Variants in LYRM4 observed in about 807,000 individuals in gnomAD.
LYRM4 encodes LYR motif containing 4.
LYRM4 carries 9 observed loss-of-function variants against 11.7 expected under a neutral mutation model. The ratio of observed to expected loss-of-function variants is 0.77; its 90% CI spans 0.46 to 1.34. LYRM4 has a LOEUF of 1.34. Among genes scored for constraint, LYRM4 ranks in the 40% most tolerant of loss-of-function variants. The pLI is 0.00. For synonymous variants in LYRM4, 42 were observed against 40.4 expected, an observed-to-expected ratio of 1.04 and a Z score of -0.15; for missense variants, 133 against 112.5, an observed-to-expected ratio of 1.18 and a Z score of -0.82.
chr6:5,249,265 C>G (rs936278413), intron 1 of LYRM4, among the ~76,000 whole-genome samples: 2 of 152,060 alleles, frequency 1.3e-5, no homozygotes, highest in Non-Finnish European at 1.5e-5. Context: ...ATAAAAAAAC[C>G]AGTTGGCCTA....
At chr6:5,146,780 A>G (rs561132541) in intron 2 of LYRM4, among the ~76,000 whole-genome samples, 3 of 152,364 alleles carry the variant, frequency 2.0e-5, no homozygotes, top group African/African-American at 7.2e-5. Flanking sequence ...AAAGAAGACA[A>G]GACTCAGGGG....
At chr6:5,175,429 C>T (rs899171324) in intron 2 of LYRM4, among the ~76,000 whole-genome samples, 3 of 152,142 alleles carry the variant, frequency 2.0e-5, no homozygotes, top group East Asian at 3.9e-4. Flanking sequence ...CTTTCCTGCT[C>T]GACCTGTGGA....
the LYRM4 span, chr6:5,033,817 T>A: frequency 6.6e-6 from 1 of 152,252 alleles, no homozygotes; most frequent in African/African-American, 2.4e-5. Context: ...TACCTGCAAA[T>A]TCACCTCTTC....
intron 2 of LYRM4, among the ~76,000 whole-genome samples, chr6:5,146,839 G>A (rs551406028): frequency 1.8e-4 from 27 of 152,264 alleles, no homozygotes; most frequent in African/African-American, 5.8e-4. Context: ...CCAGGAGGCC[G>A]GTCTGTGGGC....
chr6:5,173,366 C>T (rs1254284223), intron 2 of LYRM4, among the ~76,000 whole-genome samples: 2 of 152,238 alleles, frequency 1.3e-5, no homozygotes, highest in African/African-American at 4.8e-5. Flanking sequence ...TTCTCTTAGG[C>T]TACCCTTGAG....
intron 2 of LYRM4, among the ~76,000 whole-genome samples, chr6:5,142,402 C>T (rs1170817981): frequency 6.6e-6 from 1 of 152,176 alleles, no homozygotes; most frequent in Non-Finnish European, 1.5e-5. Context: ...ATTCCTGCCC[C>T]CAGCTTTCCA....
At chr6:5,046,152 C>CTTT in the LYRM4 span, among the ~76,000 whole-genome samples, 7 of 146,908 alleles carry the variant, frequency 4.8e-5, no homozygotes, top group South Asian at 8.6e-4. Context: ...TAATATTCCA[C>CTTT]TTTTTTTTTT....
chr6:5,219,639 A>G (rs983324300), intron 1 of LYRM4, among the ~76,000 whole-genome samples: 1 of 151,834 alleles, frequency 6.6e-6, no homozygotes, highest in Non-Finnish European at 1.5e-5. Context: ...GAATCTTCAA[A>G]TTTGGTGGGA....
At chr6:5,109,740 C>T (rs1762792557) in intron 2 of LYRM4, among the ~76,000 whole-genome samples, 1 of 146,036 alleles carries the variant, frequency 6.8e-6, no homozygotes, top group South Asian at 2.1e-4. Flanking sequence ...GAGGCTGCAG[C>T]CTGGGACTCG....
chr6:5,210,598 T>C (rs181063586), intron 2 of LYRM4, among the ~76,000 whole-genome samples: 1 of 152,336 alleles, frequency 6.6e-6, no homozygotes, highest in Non-Finnish European at 1.5e-5. Context: ...AGTATATTCA[T>C]ATTGTTGTGA....
intron 2 of LYRM4, chr6:5,113,428 AAG>A: frequency 2.6e-6 from 1 of 381,160 alleles, no homozygotes; most frequent in Non-Finnish European, 5.3e-6. Flanking sequence ...CTAAAAGAAA[AAG>A]AGTGCAGGTG....
chr6:5,035,672 CCTCCCCTCCCTCCCT>C, the LYRM4 span, among the ~76,000 whole-genome samples: 2 of 32 alleles, frequency 0.062, no homozygotes, highest in Non-Finnish European at 0.12. Context: ...CCCTTCCCCT[CCTCCCCTCCCTCCCT>C]CCCTCCCCTC....
the LYRM4 span, among the ~76,000 whole-genome samples, chr6:5,061,215 T>G: frequency 6.6e-6 from 1 of 152,228 alleles, no homozygotes; most frequent in African/African-American, 2.4e-5. Flanking sequence ...TTTTCTGATT[T>G]TAATTTATTT....
At chr6:5,154,228 A>G (rs1221792978) in intron 2 of LYRM4, among the ~76,000 whole-genome samples, 1 of 152,240 alleles carries the variant, frequency 6.6e-6, no homozygotes, top group Non-Finnish European at 1.5e-5. Flanking sequence ...CAATCTTACA[A>G]GTTCATAAAA....
intron 1 of LYRM4, among the ~76,000 whole-genome samples, chr6:5,221,295 A>G (rs1268741238): frequency 6.6e-6 from 1 of 152,200 alleles, no homozygotes. Context: ...TTGGCTACCA[A>G]TATTTCTCTA....
chr6:5,060,608 A>G, the LYRM4 span, among the ~76,000 whole-genome samples: 14 of 151,878 alleles, frequency 9.2e-5, no homozygotes, highest in Admixed American at 7.9e-4. Flanking sequence ...ATCAGCTCAC[A>G]CGTCTGCCTC....
chr6:5,085,937 C>T, the LYRM4 span: 2 of 1,526,818 alleles, frequency 1.3e-6, no homozygotes, highest in Non-Finnish European at 1.7e-6. Flanking sequence ...TTCAGCGAGG[C>T]GGAGGAGCCG....
intron 2 of LYRM4, among the ~76,000 whole-genome samples, chr6:5,196,715 C>T (rs1338206716): frequency 6.6e-6 from 1 of 152,094 alleles, no homozygotes; most frequent in Non-Finnish European, 1.5e-5. Flanking sequence ...TTTCTATTTC[C>T]ATTGGAATGA....
the LYRM4 span, among the ~76,000 whole-genome samples, chr6:5,063,414 C>T: frequency 2.0e-5 from 3 of 149,812 alleles, no homozygotes; most frequent in African/African-American, 7.3e-5. Context: ...AAGCCTTTCC[C>T]GACCCCCATC....
Sources: allele counts gnomAD v4.1 joint callset (sites outside exome capture counted in the v4.1 genomes callset), GRCh38; gene constraint gnomAD v4.1.1; transcripts MANE v1.5; gene names NCBI Gene and HGNC (gene_info 2026-07-23, HGNC 2026-07-21).